Variants in TSHZ2 observed in about 807,000 individuals in gnomAD.
TSHZ2 encodes teashirt zinc finger homeobox 2.
A neutral mutation model predicts 74.4 loss-of-function variants in TSHZ2; 21 were observed. The observed-to-expected ratio is 0.28, with a 90% CI of 0.20 to 0.41. The LOEUF is 0.41. Among genes scored for constraint, TSHZ2 ranks in the 10% least tolerant of loss-of-function variants. The pLI is 1.00. For synonymous variants in TSHZ2, 540 were observed against 515.3 expected (o/e 1.05, Z -0.65); for missense variants, 1,244 against 1,293.5 (o/e 0.96, Z 0.59).
intron 1 of TSHZ2, among the ~76,000 whole-genome samples, chr20:53,155,260 T>A (rs917294976): frequency 6.6e-6 from 1 of 151,838 alleles, no homozygotes; most frequent in Non-Finnish European, 1.5e-5. Flanking sequence ...CAGTAGGTAA[T>A]AGGGGAAGAG....
intron 2 of TSHZ2, chr20:53,421,140 A>C (rs1431704659): frequency 6.6e-6 from 1 of 152,318 alleles, no homozygotes; most frequent in Non-Finnish European, 1.5e-5. Context: ...ATTTGGCTGG[A>C]GATGGAGCAG....
chr20:53,256,656 T>G lies in TSHZ2; in HGVS notation c.*8+85T>G, dbSNP rs1176578257. On this transcript the variant is annotated intron_variant, in intron 2 of 2. Transcript: ENST00000371497. This position sits in a 1 kb window ranked among gnomAD's most constrained non-coding sequence, Gnocchi z 4.3. Reference sequence around the variant, plus strand: ...TGGGTCTGCTTAGAGGCAGCTAGCATCTCCCAATGCCAAGCAGGATAGTAG... The same window carrying G: ...TGGGTCTGCTTAGAGGCAGCTAGCAGCTCCCAATGCCAAGCAGGATAGTAG... The G allele has an allele frequency of 1.4e-6, 2 of 1,479,128 alleles. No individual in the cohort carries two copies. The highest frequency in any genetic ancestry group is 4.6e-5 in the East Asian group (2 of 43,342). 91.6% of individuals were successfully genotyped at this position (1,479,128 alleles called of 1,614,324 possible).
In TSHZ2 at chr20:53,363,570, G is replaced by A. The variant is rs141468584; in HGVS notation, c.*8+106999G>A. ...CTGTGAATCCATCTCTGGTCTCCAG[G>A]GGATGCAGAGGAGATTCATCAAAAT... On this transcript the variant is annotated intron_variant, in intron 2 of 2. Coordinates refer to ENST00000371497, the MANE Select transcript of TSHZ2 (RefSeq NM_173485.6). Among the ~76,000 whole-genome samples the A allele has an allele frequency of 4.1e-3, 624 of 152,332 alleles. 3 individuals are homozygous for A. Among genetic ancestry groups the A allele is most frequent in the Non-Finnish European group, 6.6e-3 (448 of 68,026 alleles).
intron 2 of TSHZ2, among the ~76,000 whole-genome samples, chr20:53,435,909 T>A (rs891385136): frequency 1.3e-5 from 2 of 152,224 alleles, no homozygotes; most frequent in Non-Finnish European, 2.9e-5. Context: ...TTTATCACCC[T>A]GTGTCTCAGT....
intron 1 of TSHZ2, among the ~76,000 whole-genome samples, chr20:53,051,461 A>G (rs971068389): frequency 1.4e-4 from 17 of 118,050 alleles, no homozygotes; most frequent in African/African-American, 6.2e-4. Context: ...GCGCACGCAC[A>G]CACACACACA....
At chr20:53,133,309 T>C (rs781488333) in intron 1 of TSHZ2, among the ~76,000 whole-genome samples, 24 of 152,186 alleles carry the variant, frequency 1.6e-4, no homozygotes, top group African/African-American at 5.3e-4. Context: ...GTACCTCCAT[T>C]TCCTGTAATT....
intron 2 of TSHZ2, among the ~76,000 whole-genome samples, chr20:53,303,437 A>C (rs563769179): frequency 3.9e-5 from 6 of 152,328 alleles, no homozygotes; most frequent in Middle Eastern, 3.4e-3. Flanking sequence ...CATCAACAGC[A>C]CAACTGGAAG....
At chr20:53,191,386 G>C (rs929244760) in intron 1 of TSHZ2, among the ~76,000 whole-genome samples, 4 of 152,216 alleles carry the variant, frequency 2.6e-5, no homozygotes, top group African/African-American at 7.2e-5. Flanking sequence ...CTACTGGCCA[G>C]GTGTGGTGGC....
chr20:53,161,806 A>G lies in TSHZ2; in HGVS notation c.41-91693A>G, dbSNP rs185211503. 2.6e-5 allele frequency among the ~76,000 whole-genome samples: 4 copies of G among 152,348 alleles called. No homozygotes were observed. In the East Asian group the frequency reaches 7.7e-4, roughly 29 times the overall value. On this transcript the variant is annotated intron_variant, in intron 1 of 2. Coordinates refer to ENST00000371497, the MANE Select transcript of TSHZ2 (RefSeq NM_173485.6). ...TGGGGCCACAGAACCAAACCATATC[A>G]TAGGGTTTTAAGTAAATGAGTGATA...
intron 1 of TSHZ2, among the ~76,000 whole-genome samples, chr20:53,130,071 A>T (rs1018779470): frequency 2.6e-5 from 4 of 151,950 alleles, no homozygotes; most frequent in Non-Finnish European, 5.9e-5. Flanking sequence ...AAGTAGGAAA[A>T]GAAAATGTTA....
At chr20:52,981,243 C>G (rs955440482) in intron 1 of TSHZ2, among the ~76,000 whole-genome samples, 1 of 152,126 alleles carries the variant, frequency 6.6e-6, no homozygotes, top group African/African-American at 2.4e-5. Context: ...TATTTAGCCC[C>G]GGGCAAGCTC....
rs145930632 is a variant in TSHZ2, at chr20:52,977,223, C to T, written c.40+3890C>T. On this transcript the variant is annotated intron_variant, in intron 1 of 2. Transcript: ENST00000371497. ...GAGGGAGGGGGCAGGCAGCTCAGGG[C>T]GAAGTTTACCTTTAATTTACTGTCA... Among the ~76,000 whole-genome samples, 188 of 152,038 alleles carry T rather than the reference C, an allele frequency of 1.2e-3. 2 individuals carry two copies. Among genetic ancestry groups the T allele is most frequent in the Non-Finnish European group, 2.4e-3 (161 of 67,976 alleles).
chr20:53,266,926 AC>A (rs549291559), intron 2 of TSHZ2, among the ~76,000 whole-genome samples: 84 of 152,076 alleles, frequency 5.5e-4, no homozygotes, highest in Non-Finnish European at 1.1e-3. Flanking sequence ...TACGGGTGCC[AC>A]CACCACACTC....
Position 53,479,858 on chromosome 20 carries a change from C to T in TSHZ2, c.*9-7286C>T, listed in dbSNP as rs371008266. On this transcript the variant is annotated intron_variant, in intron 2 of 2. Transcript: ENST00000371497. ...TGAATATCTACAATGCATAGACGGG[C>T]GGCCCCCACCAAAAGGAAGTATCTA... Among the ~76,000 whole-genome samples, 15 of 152,120 alleles carry T rather than the reference C, an allele frequency of 9.9e-5. 3 individuals are homozygous for T. Among genetic ancestry groups the T allele is most frequent in the Admixed American group, 1.3e-4 (2 of 15,274 alleles).
At chr20:53,226,860 T>C (rs549303169) in intron 1 of TSHZ2, among the ~76,000 whole-genome samples, 3 of 152,236 alleles carry the variant, frequency 2.0e-5, no homozygotes, top group African/African-American at 7.2e-5. Context: ...ATCCCCCCGT[T>C]GAGATCTAGA....
At chr20:53,483,144 T>C (rs139045485) in intron 2 of TSHZ2, among the ~76,000 whole-genome samples, 2 of 152,168 alleles carry the variant, frequency 1.3e-5, no homozygotes, top group Non-Finnish European at 2.9e-5. Context: ...ATAACTATAC[T>C]CAGATAATGG....
rs1176447151 is a variant in TSHZ2 at position 53,487,715 on chromosome 20, G to A, written c.*580G>A. 6.6e-6 allele frequency: 1 copy of A among 152,162 alleles called. No homozygotes were observed. The highest frequency in any genetic ancestry group is 6.6e-5 in the Admixed American group (1 of 15,250). 9.4% of individuals were successfully genotyped at this position (152,162 alleles called of 1,614,324 possible). On this transcript the variant is annotated 3_prime_UTR_variant, in exon 3 of 3. Coordinates refer to ENST00000371497, the MANE Select transcript of TSHZ2 (RefSeq NM_173485.6). ...ATTGCCCAGTCCTGCCCCTGCACTAGGGGACCATTAATCACTGCAAAGTAG... is the reference window on the plus strand; with the variant it reads ...ATTGCCCAGTCCTGCCCCTGCACTAAGGGACCATTAATCACTGCAAAGTAG...
intron 2 of TSHZ2, among the ~76,000 whole-genome samples, chr20:53,362,258 C>G (rs1233496089): frequency 2.0e-5 from 3 of 151,216 alleles, no homozygotes; most frequent in Non-Finnish European, 2.9e-5. Context: ...GATCTCGGCT[C>G]ACTGCAAGCT....
chr20:53,073,122 A>G (rs1204632476), intron 1 of TSHZ2, among the ~76,000 whole-genome samples: 3 of 140,974 alleles, frequency 2.1e-5, no homozygotes, highest in African/African-American at 8.1e-5. Context: ...CCATTCATCC[A>G]TTCCTCCATC....
Sources: allele counts gnomAD v4.1 joint callset (sites outside exome capture counted in the v4.1 genomes callset), GRCh38; gene constraint gnomAD v4.1.1; non-coding constraint Gnocchi (gnomAD v3.1); transcripts MANE v1.5; gene names NCBI Gene and HGNC (gene_info 2026-07-23, HGNC 2026-07-21).